ROBO2: variants seen among roughly 807,000 people sequenced by gnomAD.
ROBO2 encodes roundabout homolog 2.
ROBO2 carries 53 observed loss-of-function variants against 160.8 expected under a neutral mutation model. The observed-to-expected ratio is 0.33, with a 90% CI of 0.26 to 0.41. The LOEUF is 0.41. ROBO2 is among the 10% of genes least tolerant of loss of function. ROBO2 has a pLI of 1.00. For missense variants in ROBO2, 1,577 were observed against 1,722.4 expected, an observed-to-expected ratio of 0.92 and a Z score of 1.49; for synonymous variants, 664 against 611.7, an observed-to-expected ratio of 1.09 and a Z score of -1.26.
chr3:76,676,128 G>C (rs1314195157), intron 2 of ROBO2, among the ~76,000 whole-genome samples: 1 of 152,056 alleles, frequency 6.6e-6, no homozygotes, highest in Non-Finnish European at 1.5e-5. Flanking sequence ...ATATGGTTTG[G>C]CCATGTCCCC....
At chr3:77,597,901 C>A (rs2094344046) in intron 19 of ROBO2, among the ~76,000 whole-genome samples, 1 of 152,090 alleles carries the variant, frequency 6.6e-6, no homozygotes, top group Admixed American at 6.5e-5. Flanking sequence ...AGAATTTAGA[C>A]TTCGTTCAGA....
At chr3:76,951,089 T>C (rs556251027) in intron 2 of ROBO2, among the ~76,000 whole-genome samples, 1 of 152,320 alleles carries the variant, frequency 6.6e-6, no homozygotes, top group East Asian at 1.9e-4. Flanking sequence ...TAGTCACTTC[T>C]TTCATAATAC....
chr3:77,010,299 C>A (rs150817017), intron 2 of ROBO2, among the ~76,000 whole-genome samples: 27 of 152,304 alleles, frequency 1.8e-4, no homozygotes, highest in African/African-American at 6.5e-4. Flanking sequence ...ACACCCTCAT[C>A]TTTTGCCTGG....
intron 2 of ROBO2, among the ~76,000 whole-genome samples, chr3:76,816,241 G>A (rs1209739009): frequency 1.3e-5 from 2 of 151,358 alleles, no homozygotes; most frequent in East Asian, 1.9e-4. Flanking sequence ...CGTGTGGATC[G>A]GACGTTTTAT....
In ROBO2 at chr3:77,562,648, T is replaced by G. The variant is rs371883742; in HGVS notation, c.1438-3T>G. 1.2e-6 allele frequency: 2 copies of G among 1,608,482 alleles called. No homozygotes were observed. The highest frequency in any genetic ancestry group is 1.7e-6 in the Non-Finnish European group (2 of 1,175,362). ...TTAATTCTCTCCCTTCTGTGCACAC[T>G]AGATTTCTGATACTGGCACTTATAC... On this transcript the variant is annotated splice_region_variant and splice_polypyrimidine_tract_variant and intron_variant, in intron 9 of 25. Transcript: ENST00000461745.
At chr3:77,523,608 TTAAC>T (rs2090835398) in intron 6 of ROBO2, among the ~76,000 whole-genome samples, 1 of 151,344 alleles carries the variant, frequency 6.6e-6, no homozygotes, top group African/African-American at 2.4e-5. Flanking sequence ...CTAGAATAAA[TTAAC>T]TGTCTTTTCA....
chr3:76,290,458 C>T (rs145930620), intron 2 of ROBO2, among the ~76,000 whole-genome samples: 215 of 152,214 alleles, frequency 1.4e-3, no homozygotes, highest in African/African-American at 4.9e-3. Flanking sequence ...ATCATATTGT[C>T]TGCAAAGGGA....
At chr3:76,897,209 A>G (rs1482814619) in intron 2 of ROBO2, among the ~76,000 whole-genome samples, 1 of 152,270 alleles carries the variant, frequency 6.6e-6, no homozygotes, top group South Asian at 2.1e-4. Context: ...TGAAATTTAG[A>G]TTCACATTTA....
intron 2 of ROBO2, among the ~76,000 whole-genome samples, chr3:76,535,416 G>A (rs2082441999): frequency 2.6e-5 from 4 of 151,996 alleles, no homozygotes. Flanking sequence ...GTGGGGTAAG[G>A]GTGATTAGGT....
At chr3:75,960,048 G>A (rs970797725) in intron 2 of ROBO2, among the ~76,000 whole-genome samples, 3 of 151,694 alleles carry the variant, frequency 2.0e-5, no homozygotes, top group Admixed American at 6.6e-5. Context: ...GAGGAGATGC[G>A]AGCACCCTCA....
intron 2 of ROBO2, among the ~76,000 whole-genome samples, chr3:77,022,732 A>G (rs1330046651): frequency 6.6e-6 from 1 of 152,150 alleles, no homozygotes; most frequent in Non-Finnish European, 1.5e-5. Context: ...AAGATATCAC[A>G]CCTTTCTGTT....
chr3:76,785,397 G>A (rs549693579), intron 2 of ROBO2, among the ~76,000 whole-genome samples: 1 of 151,084 alleles, frequency 6.6e-6, no homozygotes, highest in Non-Finnish European at 1.5e-5. Context: ...AGGAAAGCTT[G>A]GTCCAAGTTC....
chr3:76,782,596 A>G (rs2062717318), intron 2 of ROBO2, among the ~76,000 whole-genome samples: 1 of 150,752 alleles, frequency 6.6e-6, no homozygotes, highest in Admixed American at 6.6e-5. Context: ...GGTAATGTCC[A>G]TTTGATAAAC....
chr3:76,653,400 A>G (rs1384933531), intron 2 of ROBO2, among the ~76,000 whole-genome samples: 2 of 150,446 alleles, frequency 1.3e-5, no homozygotes, highest in East Asian at 3.9e-4. Flanking sequence ...AATATATATG[A>G]ATATTAAATA....
chr3:76,318,790 A>T (rs540114808), intron 2 of ROBO2, among the ~76,000 whole-genome samples: 1 of 152,122 alleles, frequency 6.6e-6, no homozygotes, highest in Non-Finnish European at 1.5e-5. Context: ...ATGTTAAAAA[A>T]TGGGGAAAAA....
rs763852785 is a variant in ROBO2 at position 76,897,711 on chromosome 3, AC to A, written c.110-200302del. Among the ~76,000 whole-genome samples, 100 of 116,104 alleles carry A rather than the reference AC, an allele frequency of 8.6e-4. 1 individual carries two copies. In the South Asian group the frequency reaches 0.013, roughly 15 times the overall value. 76.2% of individuals were successfully genotyped at this position (116,104 alleles called of 152,430 possible). A position where few individuals can be genotyped will look rare whatever the true frequency, so the allele number is the denominator to read the frequency against. On this transcript the variant is annotated intron_variant, in intron 2 of 26. Transcript: ENST00000487694. ...ATTTATCCAGGATAGAGTGGCCCTCACTTTTTTTTTTTTTGAAATTTTTTTA... is the reference window on the plus strand; with the variant it reads ...ATTTATCCAGGATAGAGTGGCCCTCATTTTTTTTTTTTTGAAATTTTTTTA...
chr3:76,767,338 A>G (rs1298050263), intron 2 of ROBO2, among the ~76,000 whole-genome samples: 4 of 151,666 alleles, frequency 2.6e-5, no homozygotes, highest in Non-Finnish European at 5.9e-5. Flanking sequence ...AAAAGTCTGT[A>G]GATCAGAGGG....
intron 2 of ROBO2, among the ~76,000 whole-genome samples, chr3:76,264,898 C>T (rs138325791): frequency 3.2e-4 from 48 of 152,278 alleles, no homozygotes; most frequent in African/African-American, 8.9e-4. Flanking sequence ...CCTCACTTGC[C>T]TTACAAAATG....
intron 2 of ROBO2, among the ~76,000 whole-genome samples, chr3:75,971,121 A>T (rs2064980188): frequency 6.6e-6 from 1 of 151,438 alleles, no homozygotes; most frequent in Non-Finnish European, 1.5e-5. Context: ...TAGGACATAA[A>T]CAATTAGATG....
Sources: allele counts gnomAD v4.1 joint callset (sites outside exome capture counted in the v4.1 genomes callset), GRCh38; gene constraint gnomAD v4.1.1; transcripts MANE v1.5; gene names NCBI Gene and HGNC (gene_info 2026-07-23, HGNC 2026-07-21).